The following XPR1 variants were observed in gnomAD, a reference collection of about 807,000 sequenced individuals.
XPR1 encodes the protein solute carrier family 53 member 1.
Under a neutral mutation model 87.5 loss-of-function variants are expected in XPR1, and 28 were observed. The ratio of observed to expected loss-of-function variants is 0.32; its 90% CI spans 0.24 to 0.44. The LOEUF (loss-of-function observed/expected upper bound fraction) is 0.44, where lower values mean the gene tolerates loss of function less well. Ranked by LOEUF, XPR1 falls within the 20% of genes least tolerant of loss-of-function variation. The pLI is 1.00. For missense variants in XPR1, 559 were observed against 862.3 expected (o/e 0.65, Z 4.41); for synonymous variants, 300 against 306.1 (o/e 0.98, Z 0.21).
chr1:180,656,933 T>C (rs1299044018), intron 1 of XPR1, among the ~76,000 whole-genome samples: 1 of 151,876 alleles, frequency 6.6e-6, no homozygotes, highest in East Asian at 1.9e-4. Context: ...CCATAGTGGA[T>C]GTACTAATTT....
At chr1:180,755,069 A>G (rs1024960216) in intron 2 of XPR1, among the ~76,000 whole-genome samples, 1 of 152,176 alleles carries the variant, frequency 6.6e-6, no homozygotes, top group Non-Finnish European at 1.5e-5. Context: ...AGAAGGAGAA[A>G]ACTAGAATGA....
chr1:180,713,818 G>A (rs1322845057), intron 2 of XPR1, among the ~76,000 whole-genome samples: 1 of 152,054 alleles, frequency 6.6e-6, no homozygotes, highest in East Asian at 1.9e-4. Context: ...ATGGGATATT[G>A]TTCTCTAGAA....
intron 11 of XPR1, among the ~76,000 whole-genome samples, chr1:180,861,028 C>G (rs1652202773): frequency 6.6e-6 from 1 of 151,938 alleles, no homozygotes; most frequent in South Asian, 2.1e-4. Flanking sequence ...TTGATTATTT[C>G]TTCAGTAATT....
intron 2 of XPR1, among the ~76,000 whole-genome samples, chr1:180,762,386 T>G (rs1410886263): frequency 6.6e-6 from 1 of 152,204 alleles, no homozygotes; most frequent in Non-Finnish European, 1.5e-5. Flanking sequence ...GTGAACGTTA[T>G]GAACAGAAGT....
chr1:180,828,227 G>T (rs1223856743), intron 9 of XPR1, among the ~76,000 whole-genome samples: 1 of 151,980 alleles, frequency 6.6e-6, no homozygotes, highest in Non-Finnish European at 1.5e-5. Flanking sequence ...GGTAGGCACT[G>T]GGTGCCATTT....
intron 9 of XPR1, among the ~76,000 whole-genome samples, chr1:180,829,767 CCCTT>C (rs1650990771): frequency 6.6e-6 from 1 of 151,906 alleles, no homozygotes; most frequent in African/African-American, 2.4e-5. Context: ...ATTTACTACT[CCCTT>C]CTTTCTTCCT....
At chr1:180,679,978 T>C (rs1421993289) in intron 1 of XPR1, among the ~76,000 whole-genome samples, 1 of 152,112 alleles carries the variant, frequency 6.6e-6, no homozygotes, top group Non-Finnish European at 1.5e-5. Flanking sequence ...ATCTGGACAC[T>C]ACTCACACTA....
intron 2 of XPR1, among the ~76,000 whole-genome samples, chr1:180,787,022 CATT>C (rs1649173782): frequency 6.6e-6 from 1 of 152,184 alleles, no homozygotes; most frequent in South Asian, 2.1e-4. Context: ...CCCAGAAACA[CATT>C]ATACATTCAT....
At chr1:180,769,813 A>G (rs1648440982) in intron 2 of XPR1, among the ~76,000 whole-genome samples, 1 of 152,172 alleles carries the variant, frequency 6.6e-6, no homozygotes, top group South Asian at 2.1e-4. Flanking sequence ...TTGCTGGGTC[A>G]TGTGGTAACT....
chr1:180,849,081 A>G (rs1256596300), intron 11 of XPR1, among the ~76,000 whole-genome samples: 1 of 152,210 alleles, frequency 6.6e-6, no homozygotes, highest in Non-Finnish European at 1.5e-5. Context: ...TCTTAGACCA[A>G]TGACTAGAAT....
chr1:180,771,621 C>T (rs1648516949), intron 2 of XPR1, among the ~76,000 whole-genome samples: 1 of 152,164 alleles, frequency 6.6e-6, no homozygotes. Context: ...CTCTGTGACA[C>T]TTCCTTAGTC....
At chr1:180,689,865 A>G (rs894213475) in intron 2 of XPR1, among the ~76,000 whole-genome samples, 8 of 152,158 alleles carry the variant, frequency 5.3e-5, no homozygotes, top group African/African-American at 1.7e-4. Flanking sequence ...TAAGGTTAAA[A>G]GTTTATTTGC....
At chr1:180,664,460 G>T (rs532302976) in intron 1 of XPR1, among the ~76,000 whole-genome samples, 1 of 152,290 alleles carries the variant, frequency 6.6e-6, no homozygotes, top group Admixed American at 6.5e-5. Flanking sequence ...GGAATGGGGG[G>T]CCTCGTGACA....
At position 180,887,702 on chromosome 1, in the gene XPR1, A is replaced by T. The variant is rs1409426834; in HGVS notation, c.*3636A>T. On this transcript the variant is annotated 3_prime_UTR_variant, in exon 15 of 15. Transcript: ENST00000367590. Reference sequence around the variant, plus strand: ...ATTCACCTCAGTAGTAACTTATAAAAACCGTTTAAAGAAGGAAAATGGGCC... The same window carrying T: ...ATTCACCTCAGTAGTAACTTATAAATACCGTTTAAAGAAGGAAAATGGGCC... 6.6e-6 allele frequency: 1 copy of T among 152,218 alleles called. No homozygotes were observed. Among genetic ancestry groups the T allele is most frequent in the Non-Finnish European group, 1.5e-5 (1 of 68,036 alleles). The allele number at this position is 152,218 out of a possible 1,614,324, so 9.4% of individuals were successfully genotyped here.
rs530908556 is a variant in XPR1, at chr1:180,642,997, T to G, written c.69+10727T>G. 3.9e-5 allele frequency among the ~76,000 whole-genome samples: 6 copies of G among 152,226 alleles called. No individual in the cohort carries two copies. In the East Asian group the frequency reaches 1.2e-3, roughly 29 times the overall value. Reference sequence around the variant, plus strand: ...CATAGTTAATGCAATCTGGTTTAGTTAGATATGTTGAAGAGCTGGTAAAGT... The same window carrying G: ...CATAGTTAATGCAATCTGGTTTAGTGAGATATGTTGAAGAGCTGGTAAAGT... On this transcript the variant is annotated intron_variant, in intron 1 of 14. Coordinates refer to ENST00000367590, the MANE Select transcript of XPR1 (RefSeq NM_004736.4).
intron 1 of XPR1, among the ~76,000 whole-genome samples, chr1:180,650,889 C>G (rs1655272043): frequency 6.6e-6 from 1 of 152,016 alleles, no homozygotes; most frequent in Non-Finnish European, 1.5e-5. Context: ...TTTGAAAGTG[C>G]TATAAGGGCC....
Position 180,673,572 on chromosome 1 carries a change from G to A in XPR1, c.70-8788G>A, listed in dbSNP as rs79800270. Among the ~76,000 whole-genome samples, 105 of 152,308 alleles carry A rather than the reference G, an allele frequency of 6.9e-4. 1 individual carries two copies. The East Asian group carries it at 0.016, about 24-fold the overall frequency. ...GGCCACACAGCAGGAGGTAAGCAGT[G>A]GGCCAGTGTGTATTACCGCCTGAGC... On this transcript the variant is annotated intron_variant, in intron 1 of 14. Transcript: ENST00000367590.
At chr1:180,855,651 A>G (rs1199824295) in intron 11 of XPR1, among the ~76,000 whole-genome samples, 1 of 144,264 alleles carries the variant, frequency 6.9e-6, no homozygotes, top group Non-Finnish European at 1.5e-5. Context: ...CGACAGAGTG[A>G]GACTGTGTCT....
chr1:180,632,335 A>G, intron 1 of XPR1, 65 bp downstream of exon 1: 3 of 1,551,078 alleles, frequency 1.9e-6, no homozygotes, highest in South Asian at 1.2e-5. Flanking sequence ...CCTGACGTCC[A>G]CCGCCGCCTT....
Sources: allele counts gnomAD v4.1 joint callset (sites outside exome capture counted in the v4.1 genomes callset), GRCh38; gene constraint gnomAD v4.1.1; transcripts MANE v1.5; gene names NCBI Gene and HGNC (gene_info 2026-07-23, HGNC 2026-07-21).